The following CLASP1 variants were observed in gnomAD, a reference collection of about 807,000 sequenced individuals.
The protein encoded by CLASP1 is CLIP-associating protein 1.
In CLASP1, 38 loss-of-function variants were observed where a neutral mutation model predicts 192.3. The observed-to-expected ratio is 0.20, with a 90% CI of 0.15 to 0.26. CLASP1 has a LOEUF of 0.26. Ranked by LOEUF, CLASP1 falls within the 10% of genes least tolerant of loss-of-function variation. The pLI, the probability that CLASP1 is intolerant of heterozygous loss-of-function variation, is 1.00. For synonymous variants in CLASP1, 691 were observed against 712.8 expected, an observed-to-expected ratio of 0.97 and a Z score of 0.49; for missense variants, 1,433 against 1,932.5, an observed-to-expected ratio of 0.74 and a Z score of 4.85.
At chr2:121,492,768 T>C (rs55769216) in intron 8 of CLASP1, among the ~76,000 whole-genome samples, 262 of 152,114 alleles carry the variant, frequency 1.7e-3, no homozygotes, top group African/African-American at 6.1e-3. Context: ...GAAAACAGTT[T>C]AGTGGTTCCT....
chr2:121,475,084 C>T (rs1227633654), intron 8 of CLASP1, among the ~76,000 whole-genome samples: 3 of 152,246 alleles, frequency 2.0e-5, no homozygotes, highest in Admixed American at 6.5e-5. Flanking sequence ...AGCACAATGA[C>T]CCTGCACAAC....
At chr2:121,397,032 T>C in intron 30 of CLASP1, 108 bp downstream of exon 31, 3 of 1,008,644 alleles carry the variant, frequency 3.0e-6, no homozygotes, top group Non-Finnish European at 4.6e-6. Context: ...AGAGCCTTAG[T>C]GATATAGGTT....
chr2:121,552,792 A>G (rs1281140176), intron 2 of CLASP1, among the ~76,000 whole-genome samples: 1 of 152,248 alleles, frequency 6.6e-6, no homozygotes, highest in African/African-American at 2.4e-5. Flanking sequence ...CAATTCCTCA[A>G]AGAGCTAGAA....
At chr2:121,361,349 C>T (rs1048391042) in intron 37 of CLASP1, among the ~76,000 whole-genome samples, 3 of 152,162 alleles carry the variant, frequency 2.0e-5, no homozygotes, top group Non-Finnish European at 4.4e-5. Context: ...ACAAAAAGAA[C>T]ATCATTTTAA....
intron 15 of CLASP1, 25 bp from the exon 16 acceptor site, chr2:121,451,015 T>A: frequency 7.1e-7 from 1 of 1,418,056 alleles, no homozygotes; most frequent in Non-Finnish European, 9.9e-7. Context: ...AAGAAAGCAG[T>A]AACAATCATA....
chr2:121,338,175 GGAAA>G (rs1303907824), exon 40 of CLASP1: 16 of 152,338 alleles, frequency 1.1e-4, no homozygotes, highest in African/African-American at 3.8e-4. Flanking sequence ...AGGGTGGCAG[GGAAA>G]GAAAAAGACT....
intron 1 of CLASP1, among the ~76,000 whole-genome samples, chr2:121,625,471 G>C (rs1012129624): frequency 1.0e-4 from 12 of 115,614 alleles, no homozygotes; most frequent in African/African-American, 4.2e-4. Flanking sequence ...GTCTCGCTCT[G>C]TTATCCAGGC....
At chr2:121,367,788 C>T (rs369750810) in exon 35 of CLASP1, 15 of 1,613,670 alleles carry the variant, frequency 9.3e-6, no homozygotes, top group Middle Eastern at 3.3e-4. Context: ...ACTACCCCCC[C>T]GGCCCTCAGT....
intron 2 of CLASP1, among the ~76,000 whole-genome samples, chr2:121,599,690 C>T (rs1301626019): frequency 4.7e-5 from 7 of 149,234 alleles, no homozygotes; most frequent in African/African-American, 1.5e-4. Flanking sequence ...CCGAGGCAGT[C>T]GGATCACTGG....
intron 1 of CLASP1, among the ~76,000 whole-genome samples, chr2:121,641,842 G>C (rs1484883981): frequency 6.6e-6 from 1 of 152,122 alleles, no homozygotes. Flanking sequence ...TTTTTGGTTA[G>C]CTAGTGGCAA....
At chr2:121,604,273 C>T (rs2064146645) in intron 2 of CLASP1, among the ~76,000 whole-genome samples, 1 of 152,192 alleles carries the variant, frequency 6.6e-6, no homozygotes, top group African/African-American at 2.4e-5. Context: ...TTTTAACACT[C>T]GCACCATCCA....
intron 11 of CLASP1, 103 bp from the exon 12 acceptor site, chr2:121,460,228 C>T: frequency 1.1e-6 from 1 of 915,552 alleles, no homozygotes; most frequent in Non-Finnish European, 1.6e-6. Flanking sequence ...TGTTAAAGTT[C>T]AACTGATTAG....
intron 22 of CLASP1, among the ~76,000 whole-genome samples, chr2:121,421,946 C>T (rs530421654): frequency 1.3e-5 from 2 of 152,286 alleles, no homozygotes; most frequent in Non-Finnish European, 2.9e-5. Flanking sequence ...AAGTGCCAAA[C>T]TAAATGTTCT....
chr2:121,598,169 A>G (rs1483064690), intron 2 of CLASP1, among the ~76,000 whole-genome samples: 3 of 152,200 alleles, frequency 2.0e-5, no homozygotes, highest in Non-Finnish European at 4.4e-5. Context: ...AAATCCTTCC[A>G]TGTTGAACAG....
intron 8 of CLASP1, among the ~76,000 whole-genome samples, chr2:121,491,279 G>A (rs2093291601): frequency 6.6e-6 from 1 of 152,034 alleles, no homozygotes; most frequent in South Asian, 2.1e-4. Flanking sequence ...ATAAATATTG[G>A]GTCTTTTACT....
intron 2 of CLASP1, among the ~76,000 whole-genome samples, chr2:121,597,009 C>T (rs958015015): frequency 6.6e-6 from 1 of 152,056 alleles, no homozygotes; most frequent in Non-Finnish European, 1.5e-5. Context: ...GAGATGAAGC[C>T]CACACAGACT....
intron 2 of CLASP1, among the ~76,000 whole-genome samples, chr2:121,579,641 C>A: frequency 6.6e-6 from 1 of 152,180 alleles, no homozygotes; most frequent in East Asian, 1.9e-4. Context: ...CATGCTTTAA[C>A]TCCACATGTA....
At chr2:121,619,826 T>A (rs955285523) in intron 1 of CLASP1, among the ~76,000 whole-genome samples, 3 of 152,184 alleles carry the variant, frequency 2.0e-5, no homozygotes, top group South Asian at 2.1e-4. Flanking sequence ...TCCTTGAAAC[T>A]CCCTCAAAGA....
chr2:121,371,522 A>G (rs1273863305), intron 34 of CLASP1, among the ~76,000 whole-genome samples: 1 of 151,798 alleles, frequency 6.6e-6, no homozygotes, highest in African/African-American at 2.4e-5. Flanking sequence ...TGCAGGCGTG[A>G]GCCACCATAA....
Sources: allele counts gnomAD v4.1 joint callset (sites outside exome capture counted in the v4.1 genomes callset), GRCh38; gene constraint gnomAD v4.1.1; transcripts MANE v1.5; gene names NCBI Gene and HGNC (gene_info 2026-07-23, HGNC 2026-07-21).